The following PLXNA3 variants were observed in gnomAD, a reference collection of about 807,000 sequenced individuals.
PLXNA3 encodes the protein plexin A3.
A neutral mutation model predicts 118.8 loss-of-function variants in PLXNA3; 52 were observed. The observed-to-expected ratio is 0.44, with a 90% CI of 0.35 to 0.55. The LOEUF is 0.55. Ranked by LOEUF, PLXNA3 falls within the 20% of genes least tolerant of loss-of-function variation. PLXNA3 has a pLI of 0.01. For missense variants in PLXNA3, 1,660 were observed against 1,730.8 expected (o/e 0.96, Z 0.73); for synonymous variants, 925 against 762.4 (o/e 1.21, Z -3.51).
chrX:154,463,076 G>A (rs1253828478), intron 4 of PLXNA3, among the ~76,000 whole-genome samples: 1 of 111,152 alleles, frequency 9.0e-6, no homozygotes, highest in Non-Finnish European at 1.9e-5. Flanking sequence ...CAGTTCAGTG[G>A]GTTTCTGTGG....
intron 4 of PLXNA3, 56 bp downstream of exon 4, chrX:154,462,366 A>G (rs1171571227): frequency 5.5e-6 from 4 of 722,381 alleles, no homozygotes; most frequent in South Asian, 6.3e-5. Context: ...ATATGGGACA[A>G]GGCTGGTGGG....
chrX:154,472,533 C>T, intron 32 of PLXNA3, 57 bp from the exon 33 acceptor site: 1 of 824,521 alleles, frequency 1.2e-6, no homozygotes, highest in Non-Finnish European at 1.8e-6. Context: ...GGGGACTTTG[C>T]ATGGCAGGAG....
In PLXNA3 at chrX:154,465,822, G is replaced by A. The variant is rs782537110; in HGVS notation, c.2507G>A (p.Arg836Gln). 18 of 1,206,410 alleles carry A rather than the reference G, an allele frequency of 1.5e-5. No individual in the cohort carries two copies. Among genetic ancestry groups the A allele is most frequent in the East Asian group, 3.0e-5 (1 of 33,781 alleles). ...ATGCACCTGAGCCAGAAGGGCACCC[G>A]GTGCAGCCACCCCCGCATCACGCAG... Reference protein sequence around the residue: ...NWMHLSQKGTRCSHPRITQIH... With the variant: ...NWMHLSQKGTQCSHPRITQIH... Residue 836 changes from arginine (R) to glutamine (Q), a missense_variant, in exon 13 of 33, where the codon CGG (arginine) becomes CAG (glutamine). Arg to Gln is a conservative substitution (Grantham distance 43). Around this residue, in one of 2 missense-constraint regions of PLXNA3, gnomAD observed 869 missense variants for 1,078.7 expected, o/e 0.81. Coordinates refer to ENST00000369682, the MANE Select transcript of PLXNA3 (RefSeq NM_017514.5).
chrX:154,465,772 C>G lies in PLXNA3; in HGVS notation c.2457C>G (p.His819Gln), dbSNP rs373686420. The change falls in exon 13 of 33, where the codon CAC becomes CAG. Residue 819 changes from histidine (H) to glutamine (Q), a missense_variant. Coordinates refer to ENST00000369682, the MANE Select transcript of PLXNA3 (RefSeq NM_017514.5). ...AGCACAGGTGCCAGCTGCGGACCCA[C>G]TGCCCGGCCCCGAAGACCAACTGGA... is the stretch of plus-strand genomic sequence containing the variant. ...ISEHRCQLRTHCPAPKTNWMH... is the reference protein window; with the variant it reads ...ISEHRCQLRTQCPAPKTNWMH... 1.8e-5 allele frequency: 22 copies of G among 1,208,479 alleles called. No individual in the cohort carries two copies. In the Middle Eastern group the frequency reaches 6.9e-4, roughly 38 times the overall value.
Position 154,476,051 on chromosome X carries a change from C to T in PLXNA3, c.*3366C>T, listed in dbSNP as rs782499101. Reference sequence around the variant, plus strand: ...GGCATGGTGGTGCATGCCTGTGGTCCCAGTTACTCAGGAGGCTGAGGTGCT... The same window carrying T: ...GGCATGGTGGTGCATGCCTGTGGTCTCAGTTACTCAGGAGGCTGAGGTGCT... On this transcript the variant is annotated 3_prime_UTR_variant, in exon 33 of 33. Coordinates refer to ENST00000369682, the MANE Select transcript of PLXNA3 (RefSeq NM_017514.5). 1.8e-5 allele frequency: 2 copies of T among 111,980 alleles called. No homozygotes were observed. Among genetic ancestry groups the T allele is most frequent in the African/African-American group, 6.5e-5 (2 of 30,804 alleles). 9.2% of individuals were successfully genotyped at this position (111,980 alleles called of 1,213,427 possible).
Position 154,466,670 on chromosome X carries a change from G to T in PLXNA3, c.2984G>T (p.Gly995Val). 1 of 1,201,814 alleles carries T rather than the reference G, an allele frequency of 8.3e-7. No homozygotes were observed. The change falls in exon 17 of 33, where the codon GGC becomes GTC. Residue 995 changes from glycine to valine, a missense_variant. Gly to Val is a moderately radical substitution (Grantham distance 109). Transcript: ENST00000369682. ...IVCISPLSTL[G>V]PSQAPITLAI... ...TGCATCTCACCTCTCTCCACCCTGG[G>T]CCCCAGCCAGGCCCCCATCACACTT...
intron 4 of PLXNA3, 144 bp downstream of exon 4, chrX:154,462,454 C>T: frequency 2.2e-6 from 1 of 461,835 alleles, no homozygotes; most frequent in Non-Finnish European, 3.2e-6. Flanking sequence ...TGGCTGGGTC[C>T]CAGGCGCCTG....
rs781950346 is a variant in PLXNA3, at chrX:154,471,575, C to T, written c.5457C>T (p.Ser1819=). The stretch of plus-strand genomic sequence containing the variant: ...TGGAGCAGTCCCGCCTCCACGCCAG[C>T]GACTTCAGCGTCCTGAGTGCGCTCA... The part of the protein sequence containing the change: ...YLVEQSRLHA[S]DFSVLSALNE... Residue 1819 remains serine, a synonymous_variant, in exon 32 of 33, where the codon AGC becomes AGT. Coordinates refer to ENST00000369682, the MANE Select transcript of PLXNA3 (RefSeq NM_017514.5). 5.0e-6 allele frequency: 6 copies of T among 1,209,242 alleles called. No homozygotes were observed. Among genetic ancestry groups the T allele is most frequent in the South Asian group, 1.8e-5 (1 of 56,854 alleles).
rs782575094 is a variant in PLXNA3 at position 154,461,541 on chromosome X, A to G, written c.1037A>G (p.Asn346Ser). ...TGCCTCTTCACCCTCAGCAACATCA[A>G]TGCCCACATCCGGCGCCGCATCCAG... ...ILCLFTLSNI[N>S]AHIRRRIQSC... The change falls in exon 3 of 33, where the codon AAT (asparagine) becomes AGT (serine). Residue 346 changes from asparagine to serine, a missense_variant. This residue lies in a region of PLXNA3 where 791 missense variants were observed against 652.1 expected (regional missense o/e 1.21). Coordinates refer to ENST00000369682, the MANE Select transcript of PLXNA3 (RefSeq NM_017514.5). The G allele has an allele frequency of 5.8e-6, 7 of 1,210,233 alleles. No individual in the cohort carries two copies. The highest frequency in any genetic ancestry group is 5.9e-5 in the East Asian group (2 of 33,833).
In PLXNA3 at chrX:154,473,428, G is replaced by C. The variant is rs1184178259; in HGVS notation, c.*743G>C. The stretch of plus-strand genomic sequence containing the variant: ...CCTCAGTGTTGTCTGCACCTGCTCC[G>C]ACTCCTTCAGCCGCCCCATTCAGCG... On this transcript the variant is annotated 3_prime_UTR_variant, in exon 33 of 33. Transcript: ENST00000369682. 1.8e-5 allele frequency: 2 copies of C among 112,998 alleles called. No homozygotes were observed. Among genetic ancestry groups the C allele is most frequent in the African/African-American group, 6.4e-5 (2 of 31,017 alleles). 9.3% of individuals were successfully genotyped at this position (112,998 alleles called of 1,213,427 possible). A position where few individuals can be genotyped will look rare whatever the true frequency, so the allele number is the denominator to read the frequency against.
chrX:154,475,518 C>T lies in PLXNA3; in HGVS notation c.*2833C>T, dbSNP rs1330084039. 8.9e-6 allele frequency: 1 copy of T among 112,365 alleles called. No homozygotes were observed. The highest frequency in any genetic ancestry group is 2.8e-4 in the East Asian group (1 of 3,595). 9.3% of individuals were successfully genotyped at this position (112,365 alleles called of 1,213,427 possible). A position where few individuals can be genotyped will look rare whatever the true frequency, so the allele number is the denominator to read the frequency against. On this transcript the variant is annotated 3_prime_UTR_variant, in exon 33 of 33. Coordinates refer to ENST00000369682, the MANE Select transcript of PLXNA3 (RefSeq NM_017514.5). ...CTCCAGCCGTCCAGCTGTGGGGCCA[C>T]GGTGCCAGACAGTGGTGGTGGTTAT...
chrX:154,461,316 A>G lies in PLXNA3; in HGVS notation c.812A>G (p.Glu271Gly). The change falls in exon 3 of 33, where the codon GAG becomes GGG. Residue 271 changes from glutamate (E) to glycine (G), a missense_variant. This residue lies in a region of PLXNA3 where 791 missense variants were observed against 652.1 expected (regional missense o/e 1.21). Transcript: ENST00000369682. Reference sequence around the variant, plus strand: ...GTGCGCATGTGCGCGGGAGACTCAGAGTTCTACTCATACGTGGAATTCCCC... The same window carrying G: ...GTGCGCATGTGCGCGGGAGACTCAGGGTTCTACTCATACGTGGAATTCCCC... ...KIVRMCAGDS[E>G]FYSYVEFPIG... 2 of 1,212,284 alleles carry G rather than the reference A, an allele frequency of 1.6e-6. No homozygotes were observed. Among genetic ancestry groups the G allele is most frequent in the Non-Finnish European group, 2.2e-6 (2 of 895,535 alleles).
At chrX:154,469,596 G>A in intron 27 of PLXNA3, 92 bp from the exon 28 acceptor site, 3 of 924,095 alleles carry the variant, frequency 3.2e-6, no homozygotes, top group Non-Finnish European at 4.7e-6. Flanking sequence ...TTCTCCCTGG[G>A]CTCGTGGGCT....
chrX:154,463,240 CT>C (rs2069008008), intron 4 of PLXNA3, 150 bp from the exon 5 acceptor site: 11 of 756,099 alleles, frequency 1.5e-5, no homozygotes, highest in Admixed American at 2.3e-5. Flanking sequence ...CTGCACCCTC[CT>C]TTTTTTGGCC....
At position 154,468,830 on chromosome X, in the gene PLXNA3, C is replaced by T; in HGVS notation, c.4295C>T (p.Ala1432Val). 8.3e-7 allele frequency: 1 copy of T among 1,211,573 alleles called. No individual in the cohort carries two copies. The highest frequency in any genetic ancestry group is 1.7e-5 in the African/African-American group (1 of 57,850). The change falls in exon 25 of 33, where the codon GCT becomes GTT. Residue 1432 changes from alanine to valine, a missense_variant. Ala to Val is a moderately conservative substitution (Grantham distance 64). Transcript: ENST00000369682. ...FLLHKFLKEC[A>V]GEPLFLLYCA... is the part of the protein sequence containing the mutation. ...ACCTGTCCCTGGCTGCAGGAGTGTG[C>T]TGGGGAGCCTCTCTTCCTGCTTTAC...
In PLXNA3 at chrX:154,470,010, GC is replaced by G. The variant is rs1557208820; in HGVS notation, c.4831del (p.Leu1611SerfsTer7). 1 of 1,211,429 alleles carries G rather than the reference GC, an allele frequency of 8.3e-7. No individual in the cohort carries two copies. The highest frequency in any genetic ancestry group is 1.1e-6 in the Non-Finnish European group (1 of 895,426). On this transcript the variant is annotated frameshift_variant, in exon 29 of 33. Transcript: ENST00000369682. LOFTEE classifies it high-confidence loss of function. ...CTCCGCACGGCCAGCAGCCCTGATA[GC>G]CTCCGCTCACGGGCACCCATGATTA... Reference protein sequence around the residue: ...SLLRTASSPDSLRSRAPMITP... With the variant: ...SLLRTASSPDXLRSRAPMITP...
rs1201109512 is a variant in PLXNA3, at chrX:154,460,211, C to T, written c.28C>T (p.Leu10Phe). Residue 10 changes from leucine to phenylalanine, a missense_variant, in exon 2 of 33, where the codon CTC becomes TTC. Leu to Phe is a conservative substitution (Grantham distance 22). Coordinates refer to ENST00000369682, the MANE Select transcript of PLXNA3 (RefSeq NM_017514.5). Reference protein sequence around the residue: MPSVCLLLLLFLAVGGALGN... With the variant: MPSVCLLLLFFLAVGGALGN... Reference sequence around the variant, plus strand: ...GCCCTCTGTCTGCCTCCTCCTGCTGCTCTTCCTTGCCGTGGGGGGGGCCCT... The same window carrying T: ...GCCCTCTGTCTGCCTCCTCCTGCTGTTCTTCCTTGCCGTGGGGGGGGCCCT... 3.3e-6 allele frequency: 4 copies of T among 1,206,867 alleles called. No individual in the cohort carries two copies. Among genetic ancestry groups the T allele is most frequent in the Non-Finnish European group, 3.4e-6 (3 of 893,126 alleles).
intron 1 of PLXNA3, among the ~76,000 whole-genome samples, chrX:154,459,912 C>G (rs1374674080): frequency 8.8e-6 from 1 of 113,354 alleles, no homozygotes; most frequent in Admixed American, 9.2e-5. Flanking sequence ...AGCATCTGCT[C>G]TGCTACCCCC....
chrX:154,468,053 C>G (rs1557208004), intron 21 of PLXNA3, 29 bp from the exon 22 acceptor site: 1 of 1,194,050 alleles, frequency 8.4e-7, no homozygotes, highest in Admixed American at 2.2e-5. Context: ...CTCCCTCCTG[C>G]CCACTCATTC....
Sources: gnomAD v4.1 joint callset for allele counts (sites outside exome capture counted in the v4.1 genomes callset) on GRCh38, gnomAD v4.1.1 for gene constraint, gnomAD v4.1.1 regional missense constraint, MANE v1.5 for transcripts, NCBI Gene and HGNC (gene_info 2026-07-23, HGNC 2026-07-21) for gene names.